TYW3: variants seen among roughly 807,000 people sequenced by gnomAD.
TYW3 encodes tRNA wybutosine-synthesizing protein 3 homolog.
TYW3 carries 26 observed loss-of-function variants against 23.1 expected under a neutral mutation model. The ratio of observed to expected loss-of-function variants is 1.13; its 90% confidence interval spans 0.83 to 1.56. The LOEUF is 1.56. Among genes scored for constraint, TYW3 ranks in the 40% most tolerant of loss-of-function variants. The pLI is 0.00. For missense variants in TYW3, 316 were observed against 311.9 expected, an observed-to-expected ratio of 1.01 and a Z score of -0.10; for synonymous variants, 102 against 105.7, an observed-to-expected ratio of 0.97 and a Z score of 0.21.
intron 4 of TYW3, among the ~76,000 whole-genome samples, chr1:74,752,026 G>A (rs1379238089): frequency 2.0e-5 from 3 of 152,166 alleles, no homozygotes; most frequent in African/African-American, 7.2e-5. Flanking sequence ...ATTGTTAAAA[G>A]TTATTTGATT....
chr1:74,757,095 G>A (rs1648979968), intron 5 of TYW3, among the ~76,000 whole-genome samples: 1 of 152,238 alleles, frequency 6.6e-6, no homozygotes, highest in Non-Finnish European at 1.5e-5. Context: ...ATGCCCAGAT[G>A]GAAGTTTAGT....
chr1:74,764,143 T>C lies in TYW3; in HGVS notation c.*30T>C, dbSNP rs1649222792. On this transcript the variant is annotated 3_prime_UTR_variant, in exon 6 of 6. Coordinates refer to ENST00000370867, the MANE Select transcript of TYW3 (RefSeq NM_138467.3). Reference sequence around the variant, plus strand: ...TGGTTCTGATGTGTCTTGGCCGTAATGTTTCTAGTAGGTTTTATAAAGCTG... The same window carrying C: ...TGGTTCTGATGTGTCTTGGCCGTAACGTTTCTAGTAGGTTTTATAAAGCTG... The C allele has an allele frequency of 6.4e-7, 1 of 1,574,108 alleles. No individual in the cohort carries two copies. The highest frequency in any genetic ancestry group is 1.9e-5 in the Admixed American group (1 of 52,996).
chr1:74,740,103 C>G (rs1399445891), intron 3 of TYW3, among the ~76,000 whole-genome samples: 5 of 152,152 alleles, frequency 3.3e-5, no homozygotes, highest in African/African-American at 7.2e-5. Context: ...CGTGGACCCT[C>G]GCAGTGAGTG....
chr1:74,759,347 A>G (rs1649057748), intron 5 of TYW3, among the ~76,000 whole-genome samples: 1 of 151,192 alleles, frequency 6.6e-6, no homozygotes, highest in Non-Finnish European at 1.5e-5. Context: ...GCTAGTCTTT[A>G]TCATTTTTCT....
At chr1:74,742,891 A>G (rs1484229627) in intron 3 of TYW3, among the ~76,000 whole-genome samples, 1 of 152,200 alleles carries the variant, frequency 6.6e-6, no homozygotes, top group Non-Finnish European at 1.5e-5. Context: ...CCTTGAGGAC[A>G]ACTCCCTGAG....
At chr1:74,757,694 A>T (rs1648999163) in intron 5 of TYW3, among the ~76,000 whole-genome samples, 1 of 151,922 alleles carries the variant, frequency 6.6e-6, no homozygotes, top group Admixed American at 6.6e-5. Context: ...ACTTTGGGGG[A>T]CTGTTGGAAA....
chr1:74,737,339 G>A (rs1456078292), intron 2 of TYW3, among the ~76,000 whole-genome samples: 2 of 152,158 alleles, frequency 1.3e-5, no homozygotes, highest in Non-Finnish European at 2.9e-5. Flanking sequence ...AATGGTAGCT[G>A]TCAGCAACAC....
intron 5 of TYW3, among the ~76,000 whole-genome samples, chr1:74,763,598 A>G (rs560913381): frequency 7.9e-5 from 12 of 152,216 alleles, no homozygotes; most frequent in Non-Finnish European, 1.3e-4. Context: ...GAGCCATTAC[A>G]TTTATGTAAT....
At chr1:74,740,864 A>G (rs975026532) in intron 3 of TYW3, among the ~76,000 whole-genome samples, 2 of 152,214 alleles carry the variant, frequency 1.3e-5, no homozygotes, top group Admixed American at 1.3e-4. Context: ...GCTAGACAGA[A>G]AAGTTCTCCA....
At chr1:74,747,321 A>G (rs763433298) in intron 3 of TYW3, among the ~76,000 whole-genome samples, 1 of 152,182 alleles carries the variant, frequency 6.6e-6, no homozygotes, top group Non-Finnish European at 1.5e-5. Context: ...AGCTAGATAG[A>G]TGATGGTGTC....
At chr1:74,749,619 C>G (rs1397520202) in intron 4 of TYW3, among the ~76,000 whole-genome samples, 1 of 152,130 alleles carries the variant, frequency 6.6e-6, no homozygotes, top group African/African-American at 2.4e-5. Flanking sequence ...TAACCTATTT[C>G]CCAAATAGGG....
At chr1:74,750,704 G>A (rs76288819) in intron 4 of TYW3, among the ~76,000 whole-genome samples, 2,098 of 151,030 alleles carry the variant, frequency 0.014, 20 homozygotes, top group Non-Finnish European at 0.022. Context: ...ACTATTGGTT[G>A]TTTTCCAAGG....
intron 3 of TYW3, among the ~76,000 whole-genome samples, chr1:74,745,441 A>C (rs781197184): frequency 6.6e-6 from 1 of 151,900 alleles, no homozygotes. Flanking sequence ...TGCATCTACA[A>C]TCCTTTAGCT....
intron 5 of TYW3, among the ~76,000 whole-genome samples, chr1:74,760,969 C>T (rs1176282282): frequency 1.4e-4 from 21 of 152,130 alleles, no homozygotes; most frequent in Non-Finnish European, 2.9e-5. Flanking sequence ...TACAAGTTGT[C>T]CTATGCTATG....
rs113216345 is a variant in TYW3, at chr1:74,733,498, G to C, written c.174+80G>C. ...GCCCTGTTCCCATCCAGTGACGACC[G>C]GATCCAGCATGTCTGTGTTTGCTCC... On this transcript the variant is annotated intron_variant, in intron 1 of 5. Transcript: ENST00000370867. The C allele has an allele frequency of 3.7e-4, 577 of 1,547,818 alleles. 5 individuals carry two copies. The African/African-American group carries it at 6.9e-3, about 18-fold the overall frequency.
chr1:74,733,433 C>T lies in TYW3; in HGVS notation c.174+15C>T, dbSNP rs1015286677. The T allele has an allele frequency of 6.2e-7, 1 of 1,613,332 alleles. No homozygotes were observed. Among genetic ancestry groups the T allele is most frequent in the African/African-American group, 1.3e-5 (1 of 75,046 alleles). ...TCCTTGACCGGGTGAGGCCCCTTTG[C>T]GCCTGTCCATCGCCTGCCTTCTAGT... On this transcript the variant is annotated intron_variant, in intron 1 of 5. Coordinates refer to ENST00000370867, the MANE Select transcript of TYW3 (RefSeq NM_138467.3).
Position 74,759,360 on chromosome 1 carries a change from C to G in TYW3, c.561-4534C>G, listed in dbSNP as rs181274879. ...TTGCTAGTCTTTATCATTTTTCTTT[C>G]TTTCTTTTCTTTTCTTTTTTTTTTT... On this transcript the variant is annotated intron_variant, in intron 5 of 5. Transcript: ENST00000370867. 2.1e-4 allele frequency among the ~76,000 whole-genome samples: 31 copies of G among 149,312 alleles called. No individual in the cohort carries two copies. The East Asian group carries it at 6.2e-3, about 30-fold the overall frequency.
At chr1:74,756,542 C>A (rs904497961) in intron 5 of TYW3, among the ~76,000 whole-genome samples, 3 of 152,104 alleles carry the variant, frequency 2.0e-5, no homozygotes, top group Non-Finnish European at 4.4e-5. Context: ...TTTAGGGTAT[C>A]CGGCAGAATT....
chr1:74,763,833 G>A (rs1305130252), intron 5 of TYW3, 61 bp from the exon 6 acceptor site: 5 of 1,312,888 alleles, frequency 3.8e-6, no homozygotes, highest in Non-Finnish European at 5.3e-6. Context: ...AGCTCTTGGT[G>A]TATTTCAGTC....
Sources: allele counts gnomAD v4.1 joint callset (sites outside exome capture counted in the v4.1 genomes callset), GRCh38; gene constraint gnomAD v4.1.1; transcripts MANE v1.5; gene names NCBI Gene and HGNC (gene_info 2026-07-23, HGNC 2026-07-21).